SIAE: variants seen among roughly 807,000 people sequenced by gnomAD.
The protein encoded by SIAE is sialic acid acetylesterase.
A neutral mutation model predicts 52.6 loss-of-function variants in SIAE; 39 were observed. The ratio of observed to expected loss-of-function variants is 0.74; its 90% CI spans 0.57 to 0.97. The LOEUF is 0.97. Among genes scored for constraint, SIAE ranks in the 50% least tolerant of loss-of-function variants. The pLI, the probability that SIAE is intolerant of heterozygous loss-of-function variation, is 0.00. For synonymous variants in SIAE, 233 were observed against 241.4 expected (o/e 0.97, Z 0.32); for missense variants, 592 against 662.1 (o/e 0.89, Z 1.16).
intron 2 of SIAE, among the ~76,000 whole-genome samples, chr11:124,661,423 A>C (rs2134383513): frequency 6.6e-6 from 1 of 152,338 alleles, no homozygotes; most frequent in Non-Finnish European, 1.5e-5. Context: ...TGAAAAAGAT[A>C]TTCCAATTTG....
At chr11:124,655,411 G>C (rs192834826) in intron 3 of SIAE, among the ~76,000 whole-genome samples, 2 of 152,136 alleles carry the variant, frequency 1.3e-5, no homozygotes, top group Non-Finnish European at 2.9e-5. Flanking sequence ...TCCAGACCTC[G>C]TGATCCGCCT....
At chr11:124,656,678 T>C (rs1943104893) in intron 3 of SIAE, among the ~76,000 whole-genome samples, 1 of 152,216 alleles carries the variant, frequency 6.6e-6, no homozygotes, top group African/African-American at 2.4e-5. Context: ...TTAAAACAAA[T>C]ATATCAGAAA....
chr11:124,642,832 T>A (rs1942870058), intron 7 of SIAE, among the ~76,000 whole-genome samples: 1 of 152,176 alleles, frequency 6.6e-6, no homozygotes, highest in South Asian at 2.1e-4. Flanking sequence ...CCTGACCTAA[T>A]CAGGTGAGTC....
At chr11:124,649,530 T>C in intron 5 of SIAE, 89 bp downstream of exon 5, 1 of 1,391,176 alleles carries the variant, frequency 7.2e-7, no homozygotes, top group Non-Finnish European at 1.0e-6. Context: ...ACATTCACCA[T>C]ATACTTAACT....
chr11:124,649,805 A>G lies in SIAE; in HGVS notation c.545-9T>C. 1 of 1,614,082 alleles carries G rather than the reference A, an allele frequency of 6.2e-7. No individual in the cohort carries two copies. The highest frequency in any genetic ancestry group is 8.5e-7 in the Non-Finnish European group (1 of 1,179,980). ...TCCATGGCCTAAGTTTTCTGTTCAGAGAAATGGTTAAAGAAAAAGAGCCAG... is the reference window on the plus strand; with the variant it reads ...TCCATGGCCTAAGTTTTCTGTTCAGGGAAATGGTTAAAGAAAAAGAGCCAG... On this transcript the variant is annotated splice_polypyrimidine_tract_variant and intron_variant, in intron 4 of 9. Coordinates refer to ENST00000263593, the MANE Select transcript of SIAE (RefSeq NM_170601.5).
chr11:124,652,349 C>A (rs1943029203), intron 4 of SIAE, among the ~76,000 whole-genome samples: 1 of 151,988 alleles, frequency 6.6e-6, no homozygotes, highest in South Asian at 2.1e-4. Context: ...TTACAAGAGT[C>A]CTTAAAATCA....
chr11:124,671,367 AAAT>A (rs150390212), intron 1 of SIAE, among the ~76,000 whole-genome samples: 1 of 152,100 alleles, frequency 6.6e-6, no homozygotes, highest in Non-Finnish European at 1.5e-5. Flanking sequence ...AACGATGAAA[AAAT>A]AATAATAATA....
chr11:124,639,813 A>G lies in SIAE; in HGVS notation c.1021T>C (p.Trp341Arg). 1 of 1,614,232 alleles carries G rather than the reference A, an allele frequency of 6.2e-7. No homozygotes were observed. The highest frequency in any genetic ancestry group is 8.5e-7 in the Non-Finnish European group (1 of 1,180,042). The change falls in exon 8 of 10, where the codon TGG becomes CGG. Residue 341 changes from tryptophan to arginine, a missense_variant. By Grantham distance (101) the Trp-to-Arg change is moderately radical. Transcript: ENST00000263593. ...SSDDGFPQIR[W>R]HQTADFGYVP... ...TAGCCGAAGTCTGCTGTTTGATGCC[A>G]ACGGATCTGGGGAAATCCATCGTCT...
intron 3 of SIAE, among the ~76,000 whole-genome samples, chr11:124,655,495 G>A (rs1032182684): frequency 6.6e-6 from 1 of 152,076 alleles, no homozygotes; most frequent in Non-Finnish European, 1.5e-5. Flanking sequence ...TTTTTAAAAT[G>A]GTGCTTAGGA....
chr11:124,643,400 A>G (rs1041396453), intron 7 of SIAE, among the ~76,000 whole-genome samples: 7 of 152,220 alleles, frequency 4.6e-5, no homozygotes, highest in African/African-American at 7.2e-5. Flanking sequence ...TCAAAGAGTC[A>G]CTTTGATATA....
In SIAE at chr11:124,637,164, T is replaced by C; in HGVS notation, c.1359A>G (p.Pro453=). 1 of 1,614,146 alleles carries C rather than the reference T, an allele frequency of 6.2e-7. No homozygotes were observed. The highest frequency in any genetic ancestry group is 8.5e-7 in the Non-Finnish European group (1 of 1,180,016). The change falls in exon 10 of 10, where the codon CCA becomes CCG. Residue 453 remains proline (P), a synonymous_variant. Transcript: ENST00000263593. The stretch of plus-strand genomic sequence containing the variant: ...GGGTGGAGACGGTGTTCATAGAAGC[T>C]GGAAGCCACTTGCATCGATGGTCAC... The part of the protein sequence containing the change: ...CCSDHRCKWL[P]ASMNTVSTQS...
At chr11:124,672,245 C>T (rs1943373491) in intron 1 of SIAE, among the ~76,000 whole-genome samples, 2 of 152,058 alleles carry the variant, frequency 1.3e-5, no homozygotes, top group African/African-American at 4.8e-5. Context: ...TCATTTGGGG[C>T]TGGAGTAGAA....
At chr11:124,642,155 A>G (rs918930836) in intron 7 of SIAE, among the ~76,000 whole-genome samples, 2 of 152,176 alleles carry the variant, frequency 1.3e-5, no homozygotes, top group African/African-American at 4.8e-5. Context: ...AACAAGAGGA[A>G]GGGTAAAATC....
At chr11:124,650,608 A>T (rs891653027) in intron 4 of SIAE, among the ~76,000 whole-genome samples, 9 of 152,008 alleles carry the variant, frequency 5.9e-5, no homozygotes, top group Non-Finnish European at 1.3e-4. Context: ...CCCCGTCTCT[A>T]CCCAAAATAC....
Position 124,647,440 on chromosome 11 carries a change from G to T in SIAE, c.891C>A (p.Ile297=), listed in dbSNP as rs780782832. 8.1e-6 allele frequency: 13 copies of T among 1,614,154 alleles called. No individual in the cohort carries two copies. Among genetic ancestry groups the T allele is most frequent in the Non-Finnish European group, 1.0e-5 (12 of 1,180,014 alleles). ...DLYNCTFPAL[I]EDWRETFHRG... ...GGTGGAAGGTTTCACGCCAGTCTTCGATGAGTGCAGGGAATGTGCAATTGT... is the reference window on the plus strand; with the variant it reads ...GGTGGAAGGTTTCACGCCAGTCTTCTATGAGTGCAGGGAATGTGCAATTGT... Residue 297 remains isoleucine (I), a synonymous_variant, in exon 7 of 10, where the codon ATC becomes ATA. Coordinates refer to ENST00000263593, the MANE Select transcript of SIAE (RefSeq NM_170601.5).
intron 5 of SIAE, among the ~76,000 whole-genome samples, chr11:124,649,236 A>C (rs1942982833): frequency 6.6e-6 from 1 of 151,928 alleles, no homozygotes; most frequent in South Asian, 2.1e-4. Flanking sequence ...CAAGTTACTA[A>C]GTCTCTCTGA....
At chr11:124,665,882 GT>G (rs1490991705) in intron 2 of SIAE, among the ~76,000 whole-genome samples, 8 of 152,000 alleles carry the variant, frequency 5.3e-5, no homozygotes, top group Non-Finnish European at 1.2e-4. Context: ...GGCAGGGAGG[GT>G]TTTAGGCTTC....
At position 124,655,174 on chromosome 11, in the gene SIAE, C is replaced by CCTTTTTTT. The variant is rs1555098374; in HGVS notation, c.406-382_406-381insAAAAAAAG. On this transcript the variant is annotated intron_variant, in intron 3 of 9. Transcript: ENST00000263593. ...ACAAAACCAGACCAATTAACTTCTT[C>CCTTTTTTT]TTTTTTTTTTTTTTTTGTGTGTGAG... Among the ~76,000 whole-genome samples the CCTTTTTTT allele has an allele frequency of 3.0e-5, 4 of 135,086 alleles. No individual in the cohort carries two copies. In the East Asian group the frequency reaches 6.2e-4, roughly 21 times the overall value. 88.6% of individuals were successfully genotyped at this position (135,086 alleles called of 152,430 possible).
chr11:124,664,272 G>A (rs546651257), intron 2 of SIAE, among the ~76,000 whole-genome samples: 5 of 150,510 alleles, frequency 3.3e-5, no homozygotes, highest in South Asian at 4.2e-4. Flanking sequence ...TCACTCTGTC[G>A]CCAGGCTGGA....
Sources: gnomAD v4.1 joint callset for allele counts (sites outside exome capture counted in the v4.1 genomes callset) on GRCh38, gnomAD v4.1.1 for gene constraint, MANE v1.5 for transcripts, NCBI Gene and HGNC (gene_info 2026-07-23, HGNC 2026-07-21) for gene names.